Variants in ROBO2 observed in about 807,000 individuals in gnomAD.
The protein encoded by ROBO2 is roundabout guidance receptor 2.
In ROBO2, 53 loss-of-function variants were observed where a neutral mutation model predicts 160.8. The observed-to-expected ratio is 0.33, with a 90% confidence interval of 0.26 to 0.41. ROBO2 has a LOEUF of 0.41. Among genes scored for constraint, ROBO2 ranks in the 10% least tolerant of loss-of-function variants. The probability of loss-of-function intolerance (pLI) is 1.00; values close to 1 mark genes in which losing one functional copy is unlikely to be tolerated. For missense variants in ROBO2, 1,577 were observed against 1,722.4 expected (o/e 0.92, Z 1.49); for synonymous variants, 664 against 611.7 (o/e 1.09, Z -1.26).
At chr3:76,339,033 A>G (rs893828816) in intron 2 of ROBO2, among the ~76,000 whole-genome samples, 19 of 152,270 alleles carry the variant, frequency 1.2e-4, no homozygotes, top group African/African-American at 3.4e-4. Flanking sequence ...TTGCATTTCA[A>G]TGTGTTATTA....
intron 2 of ROBO2, among the ~76,000 whole-genome samples, chr3:76,148,495 A>C (rs2072005374): frequency 6.6e-6 from 1 of 151,964 alleles, no homozygotes. Context: ...ACAGTCCTCC[A>C]TTCGTCTGCT....
intron 2 of ROBO2, among the ~76,000 whole-genome samples, chr3:76,833,855 C>T (rs2067293819): frequency 6.6e-6 from 1 of 152,154 alleles, no homozygotes; most frequent in Non-Finnish European, 1.5e-5. Context: ...AATTGAAATG[C>T]TTACTGTGTT....
Position 77,595,202 on chromosome 3 carries a change from T to C in ROBO2, c.2726+18T>C. 1 of 1,588,974 alleles carries C rather than the reference T, an allele frequency of 6.3e-7. No homozygotes were observed. ...AATGGAAGGTATGCTACGGAGATTG[T>C]TTCATTATTATTTTTATTTTTAATC... On this transcript the variant is annotated intron_variant, in intron 18 of 25. Transcript: ENST00000461745.
At chr3:76,223,706 G>A (rs1336349811) in intron 2 of ROBO2, among the ~76,000 whole-genome samples, 2 of 152,190 alleles carry the variant, frequency 1.3e-5, no homozygotes, top group African/African-American at 2.4e-5. Context: ...CAGCCCTTCC[G>A]CTACAGGAGA....
At chr3:76,172,411 AC>A (rs1309794835) in intron 2 of ROBO2, among the ~76,000 whole-genome samples, 2 of 148,994 alleles carry the variant, frequency 1.3e-5, no homozygotes, top group African/African-American at 5.0e-5. Flanking sequence ...GTGCACATGT[AC>A]CCTAGAACTT....
intron 2 of ROBO2, among the ~76,000 whole-genome samples, chr3:76,051,712 G>A (rs142305155): frequency 2.0e-5 from 3 of 152,036 alleles, no homozygotes; most frequent in Admixed American, 1.3e-4. Flanking sequence ...TCAGGTTCAC[G>A]TATACTACAT....
At chr3:76,908,045 G>A (rs2075733985) in intron 2 of ROBO2, among the ~76,000 whole-genome samples, 1 of 152,010 alleles carries the variant, frequency 6.6e-6, no homozygotes, top group Non-Finnish European at 1.5e-5. Context: ...TCACCATGTT[G>A]GCCAGGCTGG....
At chr3:76,452,423 T>C (rs1256583698) in intron 2 of ROBO2, among the ~76,000 whole-genome samples, 2 of 151,904 alleles carry the variant, frequency 1.3e-5, no homozygotes, top group African/African-American at 4.8e-5. Context: ...GAACATGCGG[T>C]GTTTGTTTTT....
At chr3:76,064,398 C>T (rs961295381) in intron 2 of ROBO2, among the ~76,000 whole-genome samples, 2 of 152,060 alleles carry the variant, frequency 1.3e-5, no homozygotes, top group Non-Finnish European at 2.9e-5. Flanking sequence ...CCTTCAAATT[C>T]GAGGAGTCAG....
intron 2 of ROBO2, among the ~76,000 whole-genome samples, chr3:75,984,703 T>G (rs563261997): frequency 6.6e-6 from 1 of 151,416 alleles, no homozygotes; most frequent in African/African-American, 2.4e-5. Context: ...TGACAGAAAT[T>G]TATGAGGAAT....
chr3:75,974,965 A>G (rs372435087), intron 2 of ROBO2, among the ~76,000 whole-genome samples: 1 of 151,584 alleles, frequency 6.6e-6, no homozygotes, highest in Non-Finnish European at 1.5e-5. Flanking sequence ...GGGCTATAAC[A>G]TATTTTTAAC....
intron 3 of ROBO2, among the ~76,000 whole-genome samples, chr3:77,478,887 C>T (rs1267354320): frequency 6.6e-6 from 1 of 152,056 alleles, no homozygotes; most frequent in Non-Finnish European, 1.5e-5. Flanking sequence ...TTTCCCTTCA[C>T]CCTCTAAAGG....
At chr3:77,320,196 C>G (rs1393953818) in intron 2 of ROBO2, among the ~76,000 whole-genome samples, 1 of 152,096 alleles carries the variant, frequency 6.6e-6, no homozygotes, top group African/African-American at 2.4e-5. Context: ...ACCCTCTACC[C>G]TCTTGTTTTA....
intron 2 of ROBO2, among the ~76,000 whole-genome samples, chr3:76,372,314 C>G (rs1361105924): frequency 1.3e-5 from 2 of 151,834 alleles, no homozygotes; most frequent in African/African-American, 2.4e-5. Flanking sequence ...TCAGACTTGC[C>G]TCTCCCAACA....
chr3:76,024,092 T>G (rs1205407224), intron 2 of ROBO2, among the ~76,000 whole-genome samples: 1 of 151,476 alleles, frequency 6.6e-6, no homozygotes, highest in Non-Finnish European at 1.5e-5. Flanking sequence ...ATGTTTTCTT[T>G]AATTAAACAA....
chr3:76,245,722 A>T (rs1380771014), intron 2 of ROBO2, among the ~76,000 whole-genome samples: 1 of 152,150 alleles, frequency 6.6e-6, no homozygotes, highest in African/African-American at 2.4e-5. Context: ...CAATTTATCT[A>T]TAATAAATTT....
chr3:76,133,647 G>C (rs1199216733), intron 2 of ROBO2, among the ~76,000 whole-genome samples: 1 of 152,050 alleles, frequency 6.6e-6, no homozygotes, highest in Non-Finnish European at 1.5e-5. Flanking sequence ...GCAAATCACT[G>C]GTGTTAAGTC....
At chr3:76,319,771 G>A (rs2072357051) in intron 2 of ROBO2, among the ~76,000 whole-genome samples, 2 of 150,886 alleles carry the variant, frequency 1.3e-5, no homozygotes, top group Non-Finnish European at 3.0e-5. Flanking sequence ...ATGAGAGAAT[G>A]GCTTTCAAAA....
At chr3:77,519,754 G>C (rs2090395946) in intron 5 of ROBO2, among the ~76,000 whole-genome samples, 1 of 151,268 alleles carries the variant, frequency 6.6e-6, no homozygotes, top group Non-Finnish European at 1.5e-5. Context: ...TGCTTGTGGG[G>C]TTTTTTGGTA....
Sources: gnomAD v4.1 joint callset for allele counts (sites outside exome capture counted in the v4.1 genomes callset) on GRCh38, gnomAD v4.1.1 for gene constraint, MANE v1.5 for transcripts, NCBI Gene and HGNC (gene_info 2026-07-23, HGNC 2026-07-21) for gene names.